Variants in CNTNAP2 observed in about 807,000 individuals in gnomAD.
CNTNAP2 encodes contactin associated protein 2.
Under a neutral mutation model 155.2 loss-of-function variants are expected in CNTNAP2, and 98 were observed. The observed-to-expected ratio is 0.63, with a 90% CI of 0.54 to 0.75. CNTNAP2 has a LOEUF of 0.75. Ranked by LOEUF, CNTNAP2 falls within the 30% of genes least tolerant of loss-of-function variation. The pLI, the probability that CNTNAP2 is intolerant of heterozygous loss-of-function variation, is 0.00. For synonymous variants in CNTNAP2, 651 were observed against 631.2 expected (o/e 1.03, Z -0.47); for missense variants, 1,727 against 1,688.1 (o/e 1.02, Z -0.40).
At chr7:147,112,342 C>T (rs1350980449) in intron 5 of CNTNAP2, among the ~76,000 whole-genome samples, 1 of 152,134 alleles carries the variant, frequency 6.6e-6, no homozygotes, top group Non-Finnish European at 1.5e-5. Flanking sequence ...TTCCTTTCTT[C>T]CTATTTGAAT....
chr7:148,138,637 A>C (rs1262725255), intron 16 of CNTNAP2, among the ~76,000 whole-genome samples: 22 of 152,152 alleles, frequency 1.4e-4, no homozygotes, highest in Admixed American at 1.4e-3. Flanking sequence ...CTTAGGTATG[A>C]GTTTCAGAGT....
chr7:146,304,652 T>A (rs1800675542), intron 1 of CNTNAP2, among the ~76,000 whole-genome samples: 1 of 152,172 alleles, frequency 6.6e-6, no homozygotes, highest in Admixed American at 6.5e-5. Flanking sequence ...GTTAGTCTCA[T>A]GGGCTTCCCT....
chr7:147,181,283 T>C (rs1254583433), intron 8 of CNTNAP2, among the ~76,000 whole-genome samples: 1 of 152,192 alleles, frequency 6.6e-6, no homozygotes, highest in Non-Finnish European at 1.5e-5. Flanking sequence ...GTGAATGGAC[T>C]GAACAGGAGA....
intron 17 of CNTNAP2, among the ~76,000 whole-genome samples, chr7:148,153,631 T>C (rs1805347480): frequency 6.6e-6 from 1 of 152,120 alleles, no homozygotes; most frequent in Admixed American, 6.5e-5. Flanking sequence ...GCAAACAAGC[T>C]CATGGTCATT....
Position 148,330,445 on chromosome 7 carries a change from G to A in CNTNAP2, c.3476-53204G>A, listed in dbSNP as rs117361582. ...TGGAGTGGACGGATGGAGCAGACGG[G>A]TGGAGCAGAGGGATGGAGTGGATGG... On this transcript the variant is annotated intron_variant, in intron 21 of 23. Coordinates refer to ENST00000361727, the MANE Select transcript of CNTNAP2 (RefSeq NM_014141.6). 1.9e-3 allele frequency among the ~76,000 whole-genome samples: 255 copies of A among 134,178 alleles called. 8 individuals are homozygous for A. In the East Asian group the frequency reaches 0.058, roughly 30 times the overall value. The allele number at this position is 134,178 out of a possible 152,430, so 88.0% of individuals were successfully genotyped here. A position where few individuals can be genotyped will look rare whatever the true frequency, so the allele number is the denominator to read the frequency against.
At chr7:148,191,090 G>C (rs1795196935) in intron 18 of CNTNAP2, among the ~76,000 whole-genome samples, 1 of 152,142 alleles carries the variant, frequency 6.6e-6, no homozygotes, top group Non-Finnish European at 1.5e-5. Context: ...CCCCCAAAAA[G>C]CATGCACTAG....
intron 13 of CNTNAP2, among the ~76,000 whole-genome samples, chr7:147,731,024 GC>G (rs1796730625): frequency 6.6e-6 from 1 of 152,096 alleles, no homozygotes; most frequent in Non-Finnish European, 1.5e-5. Flanking sequence ...TGAGAAAGCT[GC>G]AGAAGAAAAA....
intron 1 of CNTNAP2, among the ~76,000 whole-genome samples, chr7:146,254,714 G>A (rs1799811263): frequency 6.6e-6 from 1 of 151,988 alleles, no homozygotes; most frequent in Non-Finnish European, 1.5e-5. Context: ...TAGAAAATAG[G>A]GTACATATTA....
intron 13 of CNTNAP2, among the ~76,000 whole-genome samples, chr7:147,722,138 G>C (rs1338866334): frequency 3.3e-5 from 5 of 152,170 alleles, no homozygotes; most frequent in African/African-American, 1.2e-4. Context: ...CCATCAGCGT[G>C]CCCTTTCCTC....
chr7:147,421,800 C>T (rs1267878294), intron 10 of CNTNAP2, among the ~76,000 whole-genome samples: 1 of 152,026 alleles, frequency 6.6e-6, no homozygotes, highest in Non-Finnish European at 1.5e-5. Context: ...TGAGCTCTCA[C>T]TCTGTGTTCA....
intron 2 of CNTNAP2, among the ~76,000 whole-genome samples, chr7:146,831,510 T>C (rs1419326443): frequency 1.3e-5 from 2 of 151,646 alleles, no homozygotes; most frequent in Non-Finnish European, 2.9e-5. Flanking sequence ...ACCGTGTCTC[T>C]ACTAAAAATA....
At chr7:147,144,937 T>TA (rs1338175228) in intron 8 of CNTNAP2, among the ~76,000 whole-genome samples, 5 of 152,152 alleles carry the variant, frequency 3.3e-5, no homozygotes, top group African/African-American at 7.2e-5. Context: ...TTTGATGAAG[T>TA]AAAAAACGTT....
At chr7:148,300,649 A>C (rs1281361071) in intron 21 of CNTNAP2, among the ~76,000 whole-genome samples, 3 of 152,120 alleles carry the variant, frequency 2.0e-5, no homozygotes, top group Non-Finnish European at 4.4e-5. Context: ...CATTATTCAC[A>C]ATAGCAAAAA....
intron 1 of CNTNAP2, among the ~76,000 whole-genome samples, chr7:146,468,662 T>G (rs1442082892): frequency 1.3e-5 from 2 of 152,128 alleles, no homozygotes; most frequent in African/African-American, 4.8e-5. Flanking sequence ...TTAAAGAATT[T>G]CGACAAAGAA....
chr7:146,116,934 A>G lies in CNTNAP2; in HGVS notation c.58A>G (p.Ser20Gly). The G allele has an allele frequency of 6.4e-7, 1 of 1,552,412 alleles. No individual in the cohort carries two copies. The highest frequency in any genetic ancestry group is 8.7e-7 in the Non-Finnish European group (1 of 1,147,664). ...AGCGCTCCTGCTGTGGATTGTCAGCAGCTGCCTCTGCAGAGCCTGGACGGC... is the reference window on the plus strand; with the variant it reads ...AGCGCTCCTGCTGTGGATTGTCAGCGGCTGCCTCTGCAGAGCCTGGACGGC... ...GAALLLWIVS[S>G]CLCRAWTAPS... is the part of the protein sequence containing the mutation. Residue 20 changes from serine (S) to glycine (G), a missense_variant, in exon 1 of 24, where the codon AGC (serine) becomes GGC (glycine). Ser to Gly is a moderately conservative substitution (Grantham distance 56). Transcript: ENST00000361727. The surrounding 1 kb of genome is among the most constrained non-coding windows in gnomAD (Gnocchi z 5.5).
chr7:148,204,173 T>C (rs995770190), intron 18 of CNTNAP2, among the ~76,000 whole-genome samples: 13 of 152,222 alleles, frequency 8.5e-5, no homozygotes, highest in Admixed American at 2.6e-4. Context: ...TCAGCTGTGA[T>C]AGTCTATCTG....
chr7:146,456,510 C>A (rs1183011900), intron 1 of CNTNAP2, among the ~76,000 whole-genome samples: 1 of 152,124 alleles, frequency 6.6e-6, no homozygotes, highest in Non-Finnish European at 1.5e-5. Flanking sequence ...TTTCTGAAGT[C>A]TCACAGATCC....
Position 146,839,793 on chromosome 7 carries a change from C to T in CNTNAP2, c.291C>T (p.Ala97=). Residue 97 remains alanine, a synonymous_variant, in exon 3 of 24, where the codon GCC becomes GCT. Coordinates refer to ENST00000361727, the MANE Select transcript of CNTNAP2 (RefSeq NM_014141.6). The part of the protein sequence containing the change: ...VDFGNRKQIS[A]IATQGRYSSS... The stretch of plus-strand genomic sequence containing the variant: ...TTGGCAATCGGAAGCAGATCAGTGC[C>T]ATTGCAACCCAAGGAAGGTATAGCA... 2 of 1,614,152 alleles carry T rather than the reference C, an allele frequency of 1.2e-6. No homozygotes were observed. The highest frequency in any genetic ancestry group is 1.7e-6 in the Non-Finnish European group (2 of 1,180,030).
At chr7:148,302,023 C>T (rs1797401139) in intron 21 of CNTNAP2, among the ~76,000 whole-genome samples, 1 of 152,226 alleles carries the variant, frequency 6.6e-6, no homozygotes, top group African/African-American at 2.4e-5. Context: ...CTTGCTCTTC[C>T]TGCTGGAAAA....
Sources: gnomAD v4.1 joint callset for allele counts (sites outside exome capture counted in the v4.1 genomes callset) on GRCh38, gnomAD v4.1.1 for gene constraint, Gnocchi (gnomAD v3.1) non-coding constraint, MANE v1.5 for transcripts, NCBI Gene and HGNC (gene_info 2026-07-23, HGNC 2026-07-21) for gene names.